Variants in CSMD3 observed in about 807,000 individuals in gnomAD.
The protein encoded by CSMD3 is CUB and Sushi multiple domains 3.
In CSMD3, 177 loss-of-function variants were observed where a neutral mutation model predicts 435.2. That is an observed-to-expected ratio of 0.41 (90% CI 0.36 to 0.46). CSMD3 has a LOEUF of 0.46. CSMD3 is among the 20% of genes least tolerant of loss of function. The probability of loss-of-function intolerance (pLI) is 0.34; values close to 1 mark genes in which losing one functional copy is unlikely to be tolerated. For missense variants in CSMD3, 4,265 were observed against 4,504.6 expected (o/e 0.95, Z 1.52); for synonymous variants, 1,656 against 1,520.5 (o/e 1.09, Z -2.07).
intron 35 of CSMD3, among the ~76,000 whole-genome samples, chr8:112,401,314 T>G (rs1165875981): frequency 1.3e-5 from 2 of 152,174 alleles, no homozygotes; most frequent in Admixed American, 6.6e-5. Context: ...TCTCTTCGCT[T>G]GCTATTTTGC....
chr8:112,907,342 C>T (rs1020334150), intron 10 of CSMD3, among the ~76,000 whole-genome samples: 1 of 151,442 alleles, frequency 6.6e-6, no homozygotes, highest in Non-Finnish European at 1.5e-5. Flanking sequence ...ATATACTGCA[C>T]TCTTCAGTGT....
intron 24 of CSMD3, among the ~76,000 whole-genome samples, chr8:112,570,804 G>C (rs910666251): frequency 6.6e-6 from 1 of 152,124 alleles, no homozygotes; most frequent in African/African-American, 2.4e-5. Context: ...GATATGCCAA[G>C]ATACCTTGGA....
At chr8:112,912,845 GA>G (rs1338124674) in intron 10 of CSMD3, among the ~76,000 whole-genome samples, 5 of 152,036 alleles carry the variant, frequency 3.3e-5, no homozygotes, top group Non-Finnish European at 5.9e-5. Context: ...CAAAATATAT[GA>G]GGAATTAAAA....
At chr8:112,655,435 C>A (rs2075233292) in intron 18 of CSMD3, among the ~76,000 whole-genome samples, 1 of 151,940 alleles carries the variant, frequency 6.6e-6, no homozygotes, top group African/African-American at 2.4e-5. Context: ...TGTTTGCACA[C>A]ACATAAATCT....
intron 17 of CSMD3, among the ~76,000 whole-genome samples, chr8:112,663,786 A>C (rs1261914678): frequency 6.6e-6 from 1 of 152,086 alleles, no homozygotes; most frequent in Non-Finnish European, 1.5e-5. Flanking sequence ...ATCCTCTTTC[A>C]TTGTCACCTG....
At chr8:112,908,961 C>T (rs570542322) in intron 10 of CSMD3, among the ~76,000 whole-genome samples, 7 of 151,366 alleles carry the variant, frequency 4.6e-5, no homozygotes, top group Non-Finnish European at 7.4e-5. Flanking sequence ...TTTCAGAAGT[C>T]ATTTCTATAG....
At chr8:113,003,810 G>C (rs16884275) in intron 6 of CSMD3, among the ~76,000 whole-genome samples, 2 of 151,788 alleles carry the variant, frequency 1.3e-5, no homozygotes, top group African/African-American at 4.8e-5. Context: ...AACTTAAATC[G>C]CACAAGAGAT....
intron 10 of CSMD3, among the ~76,000 whole-genome samples, chr8:112,903,909 G>A (rs2082179481): frequency 6.6e-6 from 1 of 151,252 alleles, no homozygotes; most frequent in African/African-American, 2.4e-5. Context: ...ATAAGACAGA[G>A]TCCCTTCCCA....
chr8:112,930,388 A>G (rs2083067338), intron 9 of CSMD3, among the ~76,000 whole-genome samples: 1 of 152,118 alleles, frequency 6.6e-6, no homozygotes, highest in South Asian at 2.1e-4. Context: ...CATTAATTGT[A>G]TTTTAAAAAG....
chr8:113,378,248 A>T (rs1443789720), intron 1 of CSMD3, among the ~76,000 whole-genome samples: 1 of 152,168 alleles, frequency 6.6e-6, no homozygotes, highest in Non-Finnish European at 1.5e-5. Flanking sequence ...TATGAATAGG[A>T]AATTCAACTC....
At chr8:113,029,028 C>T (rs1357288271) in intron 5 of CSMD3, among the ~76,000 whole-genome samples, 1 of 151,486 alleles carries the variant, frequency 6.6e-6, no homozygotes, top group African/African-American at 2.4e-5. Context: ...TTTCAAAAGA[C>T]AGACTGACTG....
chr8:113,077,774 T>C (rs185920235), intron 5 of CSMD3, among the ~76,000 whole-genome samples: 14 of 152,178 alleles, frequency 9.2e-5, no homozygotes, highest in Admixed American at 9.2e-4. Context: ...AGGTTTAAAA[T>C]AGGAGCATAA....
chr8:113,046,656 C>G (rs954189264), intron 5 of CSMD3, among the ~76,000 whole-genome samples: 2 of 152,196 alleles, frequency 1.3e-5, no homozygotes, highest in Non-Finnish European at 2.9e-5. Flanking sequence ...AGTCCTGCCC[C>G]CGGCTTGAGG....
intron 22 of CSMD3, among the ~76,000 whole-genome samples, chr8:112,590,417 A>G (rs561321334): frequency 2.8e-4 from 42 of 152,192 alleles, no homozygotes; most frequent in African/African-American, 9.6e-4. Context: ...AAACAGAAGG[A>G]ACATTATATC....
chr8:113,023,479 C>A (rs1402506037), intron 5 of CSMD3, among the ~76,000 whole-genome samples: 2 of 152,040 alleles, frequency 1.3e-5, no homozygotes. Flanking sequence ...CTCCTTCCTT[C>A]TCTAGCACTT....
At chr8:112,411,629 A>T (rs750147664) in intron 32 of CSMD3, among the ~76,000 whole-genome samples, 1 of 152,084 alleles carries the variant, frequency 6.6e-6, no homozygotes, top group Non-Finnish European at 1.5e-5. Flanking sequence ...ACACATTATC[A>T]TATTAGCTAT....
chr8:113,366,359 G>C (rs2094311371), intron 1 of CSMD3, among the ~76,000 whole-genome samples: 1 of 151,832 alleles, frequency 6.6e-6, no homozygotes, highest in South Asian at 2.1e-4. Context: ...TGCTTCTATA[G>C]AGTACCTCAA....
At chr8:112,276,123 G>A (rs1266477797) in intron 59 of CSMD3, among the ~76,000 whole-genome samples, 2 of 152,160 alleles carry the variant, frequency 1.3e-5, no homozygotes, top group East Asian at 3.9e-4. Context: ...CCAAAATGAA[G>A]GGGCTACAGG....
intron 9 of CSMD3, among the ~76,000 whole-genome samples, chr8:112,942,050 G>A (rs966242736): frequency 2.0e-5 from 3 of 151,086 alleles, no homozygotes; most frequent in Non-Finnish European, 4.4e-5. Context: ...TACAATATCC[G>A]ACAGAATAGA....
Sources: gnomAD v4.1 joint callset for allele counts (sites outside exome capture counted in the v4.1 genomes callset) on GRCh38, gnomAD v4.1.1 for gene constraint, MANE v1.5 for transcripts, NCBI Gene and HGNC (gene_info 2026-07-23, HGNC 2026-07-21) for gene names.